SLC16A3: variants seen among roughly 807,000 people sequenced by gnomAD.
SLC16A3 encodes monocarboxylate transporter 4.
In SLC16A3, 22 loss-of-function variants were observed where a neutral mutation model predicts 25.0. The ratio of observed to expected loss-of-function variants is 0.88; its 90% CI spans 0.63 to 1.26. The LOEUF is 1.26. SLC16A3 is among the 50% of genes most tolerant of loss of function. SLC16A3 has a pLI of 0.00. For synonymous variants in SLC16A3, 390 were observed against 309.2 expected (o/e 1.26, Z -2.74); for missense variants, 731 against 666.6 (o/e 1.10, Z -1.06).
chr17:82,235,880 C>T (rs2050587617), intron 1 of SLC16A3, 103 bp from the exon 2 acceptor site: 2 of 737,374 alleles, frequency 2.7e-6, no homozygotes, highest in Non-Finnish European at 4.5e-6. Context: ...GGCAGCTGCC[C>T]CTCAGCTGAG....
rs755190188 is a variant in SLC16A3 at position 82,237,217 on chromosome 17, C to T, written c.447C>T (p.Asn149=). ...RYFSKRRPMA[N]GLAAAGSPVF... is the part of the protein sequence containing the mutation. ...TCAGCAAGCGGCGCCCCATGGCCAA[C>T]GGGCTGGCGGCAGCAGGTAGCCCTG... Residue 149 remains asparagine, a synonymous_variant, in exon 4 of 5, where the codon AAC becomes AAT. Coordinates refer to ENST00000582743, the MANE Select transcript of SLC16A3 (RefSeq NM_004207.4). The T allele has an allele frequency of 3.1e-5, 48 of 1,544,378 alleles. No homozygotes were observed. The Middle Eastern group carries it at 5.1e-4, about 16-fold the overall frequency.
At chr17:82,225,267 AT>A (rs912571894), upstream of SLC16A3, among the ~76,000 whole-genome samples, 46 of 152,176 alleles carry the variant, frequency 3.0e-4, no homozygotes, top group African/African-American at 1.1e-3. Context: ...TCAAAAAAAA[AT>A]AATAATAATA....
intron 1 of SLC16A3, chr17:82,231,709 G>A (rs2050498620): frequency 6.6e-6 from 1 of 152,348 alleles, no homozygotes; most frequent in Non-Finnish European, 1.5e-5. Context: ...CTTGCGCCCA[G>A]CCCCACTTGG....
Position 82,236,849 on chromosome 17 carries a change from A to G in SLC16A3, c.344A>G (p.Tyr115Cys), listed in dbSNP as rs765970126. Residue 115 changes from tyrosine (Y) to cysteine (C), a missense_variant, in exon 3 of 5, where the codon TAC becomes TGC. By Grantham distance (194) the Tyr-to-Cys change is radical (BLOSUM62 -2). Transcript: ENST00000582743. ...TTTTGCCGGAGCATCATCCAGGTCT[A>G]CCTCACCACTGGGGTCATCACGGGT... ...ASFCRSIIQV[Y>C]LTTGVITGLG... The G allele has an allele frequency of 2.4e-5, 39 of 1,606,410 alleles. No homozygotes were observed. The highest frequency in any genetic ancestry group is 3.2e-5 in the Non-Finnish European group (38 of 1,179,754).
In SLC16A3 at chr17:82,238,980, G is replaced by C; in HGVS notation, c.*4G>C. 1 of 1,513,332 alleles carries C rather than the reference G, an allele frequency of 6.6e-7. No individual in the cohort carries two copies. Among genetic ancestry groups the C allele is most frequent in the Non-Finnish European group, 8.9e-7 (1 of 1,127,870 alleles). 93.7% of individuals were successfully genotyped at this position (1,513,332 alleles called of 1,614,324 possible). ...CACCCCGGAAACAAGTGTCTGAGTG[G>C]CTGGGCGGGGCCGGCAGGCACAGGG... On this transcript the variant is annotated 3_prime_UTR_variant, in exon 5 of 5. Transcript: ENST00000582743.
chr17:82,230,738 G>A (rs2050480305), intron 1 of SLC16A3: 1 of 152,388 alleles, frequency 6.6e-6, no homozygotes, highest in African/African-American at 2.4e-5. Flanking sequence ...GTGGCGCAGA[G>A]CCATTGGAGG....
upstream of SLC16A3, chr17:82,228,520 G>C (rs1003766240): frequency 2.6e-5 from 4 of 152,434 alleles, no homozygotes; most frequent in African/African-American, 9.6e-5. Context: ...GGACCGGAGA[G>C]GAAGCGGAGG....
At chr17:82,237,024 G>A (rs2147130750) in intron 3 of SLC16A3, 114 bp from the exon 4 acceptor site, 2 of 1,452,358 alleles carry the variant, frequency 1.4e-6, no homozygotes, top group Non-Finnish European at 1.8e-6. Flanking sequence ...GTGGGTGGGT[G>A]GCAGGGGCTC....
At chr17:82,220,338 T>C (rs1054012116) in intron 1 of SLC16A3, among the ~76,000 whole-genome samples, 1 of 151,866 alleles carries the variant, frequency 6.6e-6, no homozygotes, top group Non-Finnish European at 1.5e-5. Flanking sequence ...GGGGCTGGGG[T>C]AGGGCTCCAC....
rs561299391 is a variant in SLC16A3 at position 82,219,702 on chromosome 17, AG to A, written c.-27+1521del. 1.2e-4 allele frequency among the ~76,000 whole-genome samples: 18 copies of A among 152,004 alleles called. No homozygotes were observed. In the South Asian group the frequency reaches 3.7e-3, roughly 32 times the overall value. ...ACTTGGGGAGGAGCAGCCAGGCCAA[AG>A]GGTGCAAAGAGGGGGCTGGGGGGCT... On this transcript the variant is annotated intron_variant, in intron 1 of 4. Coordinates refer to the SLC16A3 transcript ENST00000580098.
At chr17:82,234,444 G>C (rs1479518728) in intron 1 of SLC16A3, 2 of 152,246 alleles carry the variant, frequency 1.3e-5, no homozygotes, top group Admixed American at 6.5e-5. Flanking sequence ...CTGTGGGGGG[G>C]TCTGTTCTGC....
At chr17:82,223,993 CAG>C (rs2050404478), upstream of SLC16A3, among the ~76,000 whole-genome samples, 2 of 151,480 alleles carry the variant, frequency 1.3e-5, no homozygotes, top group Admixed American at 1.3e-4. Context: ...TACACCTGTG[CAG>C]ACGCACCCCT....
rs1219079163 is a variant in SLC16A3 at position 82,237,273 on chromosome 17, A to C, written c.503A>C (p.Gln168Pro). 1 of 1,564,676 alleles carries C rather than the reference A, an allele frequency of 6.4e-7. No individual in the cohort carries two copies. The highest frequency in any genetic ancestry group is 8.7e-7 in the Non-Finnish European group (1 of 1,155,046). Reference sequence around the variant, plus strand: ...CTGTGTGCCCTGAGCCCGCTGGGGCAGCTGCTGCAGGACCGCTACGGCTGG... The same window carrying C: ...CTGTGTGCCCTGAGCCCGCTGGGGCCGCTGCTGCAGGACCGCTACGGCTGG... ...VFLCALSPLG[Q>P]LLQDRYGWRG... Residue 168 changes from glutamine (Q) to proline (P), a missense_variant, in exon 4 of 5, where the codon CAG (glutamine) becomes CCG (proline). Coordinates refer to ENST00000582743, the MANE Select transcript of SLC16A3 (RefSeq NM_004207.4).
upstream of SLC16A3, among the ~76,000 whole-genome samples, chr17:82,224,693 C>G (rs528158397): frequency 2.7e-5 from 4 of 149,316 alleles, no homozygotes; most frequent in Non-Finnish European, 4.5e-5. Context: ...CCCCTACACC[C>G]GTGCACAGAC....
Position 82,239,021 on chromosome 17 carries a change from C to T in SLC16A3, c.*45C>T, listed in dbSNP as rs373089106. On this transcript the variant is annotated 3_prime_UTR_variant, in exon 5 of 5. Coordinates refer to ENST00000582743, the MANE Select transcript of SLC16A3 (RefSeq NM_004207.4). ...AGGCACAGGGAGGAGGTACAGAAGC[C>T]GGCAACGCTTGCTATTTATTTTACA... 30 of 1,477,596 alleles carry T rather than the reference C, an allele frequency of 2.0e-5. No homozygotes were observed. Among genetic ancestry groups the T allele is most frequent in the Admixed American group, 1.9e-4 (8 of 42,520 alleles). 91.5% of individuals were successfully genotyped at this position (1,477,596 alleles called of 1,614,324 possible).
At chr17:82,234,962 T>G (rs2050573057) in intron 1 of SLC16A3, 1 of 152,190 alleles carries the variant, frequency 6.6e-6, no homozygotes, top group Non-Finnish European at 1.5e-5. Context: ...CTGAGCCGGT[T>G]GGACTAGACC....
intron 3 of SLC16A3, 97 bp from the exon 4 acceptor site, chr17:82,237,041 C>T: frequency 2.7e-6 from 4 of 1,459,606 alleles, no homozygotes; most frequent in South Asian, 2.8e-5. Context: ...GCTCTGCACC[C>T]TGGGAGCCTG....
chr17:82,227,920 C>T (rs996277359), upstream of SLC16A3, among the ~76,000 whole-genome samples: 4 of 152,170 alleles, frequency 2.6e-5, no homozygotes, highest in Non-Finnish European at 5.9e-5. Flanking sequence ...CCTGATGTCC[C>T]GCAAGGCTGG....
Position 82,238,734 on chromosome 17 carries a change from T to A in SLC16A3, c.1156T>A (p.Tyr386Asn). Residue 386 changes from tyrosine to asparagine, a missense_variant, in exon 5 of 5, where the codon TAC (tyrosine) becomes AAC (asparagine). Transcript: ENST00000582743. ...KLLDATHVYM[Y>N]VFILAGAEVL... The stretch of plus-strand genomic sequence containing the variant: ...CCTGGATGCGACCCACGTCTACATG[T>A]ACGTGTTCATCCTGGCGGGGGCCGA... 6.2e-7 allele frequency: 1 copy of A among 1,612,318 alleles called. No individual in the cohort carries two copies. The highest frequency in any genetic ancestry group is 8.5e-7 in the Non-Finnish European group (1 of 1,179,798).
Sources: allele counts gnomAD v4.1 joint callset (sites outside exome capture counted in the v4.1 genomes callset), GRCh38; gene constraint gnomAD v4.1.1; transcripts MANE v1.5; gene names NCBI Gene and HGNC (gene_info 2026-07-23, HGNC 2026-07-21).